The following PCDH9 variants were observed in gnomAD, a reference collection of about 807,000 sequenced individuals.
PCDH9 encodes the protein protocadherin 9.
In PCDH9, 24 loss-of-function variants were observed where a neutral mutation model predicts 70.6. The ratio of observed to expected loss-of-function variants is 0.34; its 90% CI spans 0.25 to 0.48. The LOEUF is 0.48. Among genes scored for constraint, PCDH9 ranks in the 20% least tolerant of loss-of-function variants. The pLI, the probability that PCDH9 is intolerant of heterozygous loss-of-function variation, is 0.99. For synonymous variants in PCDH9, 562 were observed against 558.5 expected, an observed-to-expected ratio of 1.01 and a Z score of -0.09; for missense variants, 1,281 against 1,503.6, an observed-to-expected ratio of 0.85 and a Z score of 2.45.
intron 4 of PCDH9, among the ~76,000 whole-genome samples, chr13:66,413,748 A>G (rs939392133): frequency 1.3e-5 from 2 of 152,082 alleles, no homozygotes; most frequent in Admixed American, 6.5e-5. Flanking sequence ...ACTTTTTACT[A>G]TTTTTTGTTT....
chr13:66,344,284 G>A (rs1216367952), intron 4 of PCDH9, among the ~76,000 whole-genome samples: 1 of 151,550 alleles, frequency 6.6e-6, no homozygotes, highest in Non-Finnish European at 1.5e-5. Context: ...CTGGGACCAC[G>A]CCCAGCTAAT....
At chr13:66,424,312 A>G (rs966603352) in intron 4 of PCDH9, among the ~76,000 whole-genome samples, 1 of 152,108 alleles carries the variant, frequency 6.6e-6, no homozygotes, top group Non-Finnish European at 1.5e-5. Context: ...TCTTCACATA[A>G]TGATCAATAC....
intron 2 of PCDH9, among the ~76,000 whole-genome samples, chr13:67,091,822 T>C (rs2086224649): frequency 6.6e-6 from 1 of 152,176 alleles, no homozygotes; most frequent in African/African-American, 2.4e-5. Context: ...CCTGATGTTA[T>C]TTATAGTGTC....
intron 2 of PCDH9, among the ~76,000 whole-genome samples, chr13:67,098,169 C>A (rs949350127): frequency 6.6e-6 from 1 of 152,040 alleles, no homozygotes; most frequent in South Asian, 2.1e-4. Context: ...ACAGGAGGAA[C>A]AAATGACTCT....
intron 2 of PCDH9, among the ~76,000 whole-genome samples, chr13:67,073,253 A>C (rs2085804391): frequency 6.6e-6 from 1 of 152,128 alleles, no homozygotes; most frequent in African/African-American, 2.4e-5. Context: ...TCCCAGAGCA[A>C]AGCTAAGGTG....
At chr13:66,935,142 C>T (rs944768525) in intron 2 of PCDH9, among the ~76,000 whole-genome samples, 13 of 151,978 alleles carry the variant, frequency 8.6e-5, no homozygotes, top group Non-Finnish European at 8.8e-5. Context: ...TTCACTGCAG[C>T]CTCGACACCC....
rs527268602 is a variant in PCDH9 at position 66,416,009 on chromosome 13, A to C, written c.3341-110981T>G. Among the ~76,000 whole-genome samples the C allele has an allele frequency of 2.1e-4, 32 of 152,326 alleles. No homozygotes were observed. In the Middle Eastern group the frequency reaches 0.01, roughly 49 times the overall value. The stretch of plus-strand genomic sequence containing the variant: ...TTATTGGTTTCCCTTGTAATCTTAG[A>C]CTACTGCAAAACATTAACAGATGTG... On this transcript the variant is annotated intron_variant, in intron 4 of 4. Coordinates refer to ENST00000377865, the MANE Select transcript of PCDH9 (RefSeq NM_203487.3).
intron 2 of PCDH9, among the ~76,000 whole-genome samples, chr13:67,164,429 G>C (rs989356535): frequency 1.3e-5 from 2 of 151,874 alleles, no homozygotes; most frequent in African/African-American, 4.8e-5. Context: ...ACAAAAATTA[G>C]CCTGGTGTGG....
At chr13:66,889,690 GT>G (rs1187032674) in intron 3 of PCDH9, among the ~76,000 whole-genome samples, 1 of 152,058 alleles carries the variant, frequency 6.6e-6, no homozygotes, top group Admixed American at 6.6e-5. Flanking sequence ...ACACTCTCTG[GT>G]TCTAGAATTA....
At chr13:66,335,826 C>G (rs553729447) in intron 4 of PCDH9, among the ~76,000 whole-genome samples, 1 of 152,142 alleles carries the variant, frequency 6.6e-6, no homozygotes, top group African/African-American at 2.4e-5. Context: ...AAACCAGTAA[C>G]ATATTAGTAT....
At chr13:67,005,575 C>CT (rs1410457684) in intron 2 of PCDH9, among the ~76,000 whole-genome samples, 1 of 152,166 alleles carries the variant, frequency 6.6e-6, no homozygotes, top group Non-Finnish European at 1.5e-5. Context: ...TTGACATCCC[C>CT]TATCCTTGCC....
intron 3 of PCDH9, among the ~76,000 whole-genome samples, chr13:66,805,533 T>G (rs1464376269): frequency 6.6e-6 from 1 of 152,184 alleles, no homozygotes; most frequent in Non-Finnish European, 1.5e-5. Flanking sequence ...GGTGATATAC[T>G]TTAATCCCCT....
chr13:66,948,925 A>G (rs984571481), intron 2 of PCDH9, among the ~76,000 whole-genome samples: 1 of 151,212 alleles, frequency 6.6e-6, no homozygotes, highest in Non-Finnish European at 1.5e-5. Flanking sequence ...ACTACGCAGT[A>G]GGGTGTCTAT....
chr13:66,861,173 G>T (rs1351266400), intron 3 of PCDH9, among the ~76,000 whole-genome samples: 3 of 152,226 alleles, frequency 2.0e-5, no homozygotes, highest in African/African-American at 7.2e-5. Flanking sequence ...GTACTTGAAA[G>T]ATAGTACTCT....
At chr13:66,317,748 A>AGAT (rs1555279628) in intron 4 of PCDH9, among the ~76,000 whole-genome samples, 2 of 152,160 alleles carry the variant, frequency 1.3e-5, no homozygotes, top group Non-Finnish European at 2.9e-5. Flanking sequence ...AGAAAAAAAA[A>AGAT]GATGATTAGC....
At chr13:66,804,659 T>C (rs1472164690) in intron 3 of PCDH9, among the ~76,000 whole-genome samples, 3 of 152,174 alleles carry the variant, frequency 2.0e-5, no homozygotes, top group African/African-American at 7.2e-5. Flanking sequence ...CTGGAAGAGT[T>C]AAGTTAGTTC....
At chr13:66,798,377 C>A (rs944238551) in intron 3 of PCDH9, among the ~76,000 whole-genome samples, 2 of 152,132 alleles carry the variant, frequency 1.3e-5, no homozygotes, top group Non-Finnish European at 2.9e-5. Flanking sequence ...ATCTTCTCTT[C>A]CTTTGGTCTT....
chr13:67,153,290 T>C (rs926886983), intron 2 of PCDH9, among the ~76,000 whole-genome samples: 1 of 152,022 alleles, frequency 6.6e-6, no homozygotes, highest in Non-Finnish European at 1.5e-5. Flanking sequence ...GCCTCCTCAG[T>C]AGCTGGAACT....
intron 3 of PCDH9, among the ~76,000 whole-genome samples, chr13:66,737,415 G>A (rs2079168624): frequency 1.3e-5 from 2 of 152,274 alleles, no homozygotes; most frequent in East Asian, 3.9e-4. Context: ...CACCAAAAGT[G>A]GGCTACCCAC....
Sources: allele counts gnomAD v4.1 joint callset (sites outside exome capture counted in the v4.1 genomes callset), GRCh38; gene constraint gnomAD v4.1.1; transcripts MANE v1.5; gene names NCBI Gene and HGNC (gene_info 2026-07-23, HGNC 2026-07-21).